The following CHST8 variants were observed in gnomAD, a reference collection of about 807,000 sequenced individuals.
CHST8 encodes GALNAC-4-ST1.
Under a neutral mutation model 15.0 loss-of-function variants are expected in CHST8, and 10 were observed. The observed-to-expected ratio is 0.67, with a 90% confidence interval of 0.41 to 1.13. CHST8 has a LOEUF of 1.13. CHST8 is among the 50% of genes most tolerant of loss of function. The pLI, the probability that CHST8 is intolerant of heterozygous loss-of-function variation, is 0.00. For missense variants in CHST8, 634 were observed against 608.2 expected, an observed-to-expected ratio of 1.04 and a Z score of -0.45; for synonymous variants, 259 against 256.6, an observed-to-expected ratio of 1.01 and a Z score of -0.09.
rs139919525 is a variant in CHST8 at position 33,687,509 on chromosome 19, G to A, written c.-86-1667G>A. Among the ~76,000 whole-genome samples, 467 of 152,318 alleles carry A rather than the reference G, an allele frequency of 3.1e-3. 2 individuals are homozygous for A. The highest frequency in any genetic ancestry group is 0.014 in the Middle Eastern group (4 of 294). On this transcript the variant is annotated intron_variant, in intron 2 of 4. Coordinates refer to ENST00000650847, the MANE Select transcript of CHST8 (RefSeq NM_001127895.2). ...CGGAGCCAGCTCCAGAGACAAAACA[G>A]GCCCAGCTCAGTGATTCTGTAAAAA...
chr19:33,632,063 G>A (rs1425944423), intron 1 of CHST8, among the ~76,000 whole-genome samples: 1 of 152,172 alleles, frequency 6.6e-6, no homozygotes, highest in African/African-American at 2.4e-5. Context: ...ATGTGACAGA[G>A]GCTTAGGGGG....
chr19:33,745,206 C>T (rs553200205), intron 3 of CHST8, among the ~76,000 whole-genome samples: 26 of 152,278 alleles, frequency 1.7e-4, no homozygotes, highest in African/African-American at 5.1e-4. Context: ...AGTCTTGAGA[C>T]CTGTCCTCTT....
intron 2 of CHST8, among the ~76,000 whole-genome samples, chr19:33,671,125 C>A (rs1162843833): frequency 6.6e-6 from 1 of 152,062 alleles, no homozygotes. Context: ...GCAGCGGGGG[C>A]CCAGCTTACT....
intron 1 of CHST8, among the ~76,000 whole-genome samples, chr19:33,660,106 C>G (rs539506389): frequency 2.1e-4 from 32 of 152,180 alleles, no homozygotes; most frequent in Non-Finnish European, 3.8e-4. Flanking sequence ...GTCTGACCAG[C>G]CTTCCTCTGT....
intron 1 of CHST8, among the ~76,000 whole-genome samples, chr19:33,667,091 T>C (rs980819444): frequency 2.6e-5 from 4 of 152,160 alleles, no homozygotes; most frequent in Non-Finnish European, 5.9e-5. Flanking sequence ...AGAAGGCACC[T>C]AGGTTTGCAC....
chr19:33,758,854 G>T (rs560649360), intron 3 of CHST8, among the ~76,000 whole-genome samples: 1 of 152,128 alleles, frequency 6.6e-6, no homozygotes, highest in African/African-American at 2.4e-5. Flanking sequence ...AAGAAAAGAG[G>T]TTTCATTGGC....
At chr19:33,628,299 T>C (rs1473392262) in intron 1 of CHST8, among the ~76,000 whole-genome samples, 1 of 152,084 alleles carries the variant, frequency 6.6e-6, no homozygotes, top group Non-Finnish European at 1.5e-5. Flanking sequence ...AAGAAGCAGG[T>C]GACATGTGGC....
intron 3 of CHST8, among the ~76,000 whole-genome samples, chr19:33,729,071 G>T (rs8108155): frequency 6.6e-6 from 1 of 152,190 alleles, no homozygotes; most frequent in Non-Finnish European, 1.5e-5. Context: ...GCAGAGAGGA[G>T]ATGGGCACTC....
At chr19:33,717,892 A>T (rs918749262) in intron 3 of CHST8, among the ~76,000 whole-genome samples, 1 of 151,872 alleles carries the variant, frequency 6.6e-6, no homozygotes, top group African/African-American at 2.4e-5. Flanking sequence ...CTCTGCAAAG[A>T]CTCTATCTGC....
intron 2 of CHST8, among the ~76,000 whole-genome samples, chr19:33,672,138 G>A (rs574002214): frequency 2.0e-5 from 3 of 152,212 alleles, no homozygotes; most frequent in Admixed American, 6.5e-5. Context: ...TAAAAGAGGT[G>A]TATGGTTTAT....
intron 3 of CHST8, among the ~76,000 whole-genome samples, chr19:33,699,114 T>C (rs1350061692): frequency 1.3e-5 from 2 of 152,128 alleles, no homozygotes; most frequent in Non-Finnish European, 2.9e-5. Context: ...TGTCCTGGGA[T>C]GGGACCTCCA....
chr19:33,650,361 AAATT>A (rs1369461147), intron 1 of CHST8, among the ~76,000 whole-genome samples: 2 of 152,042 alleles, frequency 1.3e-5, no homozygotes, highest in African/African-American at 4.8e-5. Context: ...CTTTGCCCAT[AAATT>A]AATTGAGTTG....
chr19:33,753,301 C>T (rs1448932874), intron 3 of CHST8, among the ~76,000 whole-genome samples: 2 of 151,766 alleles, frequency 1.3e-5, no homozygotes, highest in African/African-American at 2.4e-5. Context: ...TAGGCCCCAT[C>T]TCCAATCTTT....
chr19:33,653,748 A>G (rs1600239183), intron 1 of CHST8, among the ~76,000 whole-genome samples: 1 of 152,338 alleles, frequency 6.6e-6, no homozygotes, highest in East Asian at 1.9e-4. Flanking sequence ...TAATAATATT[A>G]CCAAACTCTT....
At chr19:33,659,059 C>CTTTTTTTTTTTTTTTTTTTTTT in intron 1 of CHST8, among the ~76,000 whole-genome samples, 1 of 78,842 alleles carries the variant, frequency 1.3e-5, no homozygotes, top group Non-Finnish European at 2.2e-5. Context: ...TAGGTAATGA[C>CTTTTTTTTTTTTTTTTTTTTTT]TTTTTTTTTT....
chr19:33,724,145 C>G (rs1973849988), intron 3 of CHST8, among the ~76,000 whole-genome samples: 1 of 152,208 alleles, frequency 6.6e-6, no homozygotes, highest in Non-Finnish European at 1.5e-5. Flanking sequence ...CACTTCCATG[C>G]AGCCACAGGC....
chr19:33,685,445 A>G (rs1972960887), intron 2 of CHST8, among the ~76,000 whole-genome samples: 1 of 151,670 alleles, frequency 6.6e-6, no homozygotes, highest in South Asian at 2.1e-4. Flanking sequence ...TTGTGAGGCC[A>G]GGCAGGAGCT....
chr19:33,654,378 C>T (rs888337552), intron 1 of CHST8, among the ~76,000 whole-genome samples: 5 of 151,960 alleles, frequency 3.3e-5, no homozygotes, highest in Admixed American at 6.6e-5. Flanking sequence ...TTCCTCATGG[C>T]GAATCATTTC....
chr19:33,654,359 A>G (rs929656940), intron 1 of CHST8, among the ~76,000 whole-genome samples: 1 of 152,054 alleles, frequency 6.6e-6, no homozygotes, highest in Non-Finnish European at 1.5e-5. Flanking sequence ...CTTGTTTATC[A>G]GCTTGTTTTT....
Sources: allele counts gnomAD v4.1 joint callset (sites outside exome capture counted in the v4.1 genomes callset), GRCh38; gene constraint gnomAD v4.1.1; transcripts MANE v1.5; gene names NCBI Gene and HGNC (gene_info 2026-07-23, HGNC 2026-07-21).